The following GRHL2 variants were observed in gnomAD, a reference collection of about 807,000 sequenced individuals.
The protein encoded by GRHL2 is grainyhead-like protein 2 homolog.
In GRHL2, 21 loss-of-function variants were observed where a neutral mutation model predicts 83.8. That is an observed-to-expected ratio of 0.25 (90% CI 0.18 to 0.36). GRHL2 has a LOEUF of 0.36. GRHL2 is among the 10% of genes least tolerant of loss of function. GRHL2 has a pLI of 1.00. For missense variants in GRHL2, 623 were observed against 781.8 expected (o/e 0.80, Z 2.42); for synonymous variants, 280 against 278.9 (o/e 1.00, Z -0.04).
intron 1 of GRHL2, among the ~76,000 whole-genome samples, chr8:101,522,479 C>A (rs1172515923): frequency 6.6e-6 from 1 of 152,102 alleles, no homozygotes; most frequent in Admixed American, 6.6e-5. Context: ...GAACCAATCC[C>A]CTGTGGATAT....
At chr8:101,596,361 C>T (rs1812391319) in intron 7 of GRHL2, among the ~76,000 whole-genome samples, 1 of 152,176 alleles carries the variant, frequency 6.6e-6, no homozygotes, top group South Asian at 2.1e-4. Context: ...TTAGCAGGAA[C>T]ACTTTGACAA....
At chr8:101,544,331 T>C (rs1374888658) in intron 2 of GRHL2, among the ~76,000 whole-genome samples, 3 of 152,240 alleles carry the variant, frequency 2.0e-5, no homozygotes, top group African/African-American at 7.2e-5. Context: ...AACCCTAACT[T>C]TCTCCATTTG....
chr8:101,632,423 A>C, intron 11 of GRHL2, 58 bp downstream of exon 11: 41 of 1,599,956 alleles, frequency 2.6e-5, no homozygotes, highest in Non-Finnish European at 3.5e-5. Flanking sequence ...GTAGGGCTTT[A>C]AGATAGAAGC....
intron 2 of GRHL2, 85 bp downstream of exon 2, chr8:101,543,521 C>A: frequency 7.7e-7 from 1 of 1,291,492 alleles, no homozygotes; most frequent in Non-Finnish European, 1.1e-6. Context: ...TTGTTTGTCC[C>A]AGGCCAGGGA....
intron 9 of GRHL2, among the ~76,000 whole-genome samples, chr8:101,625,206 T>G (rs1409960902): frequency 6.6e-6 from 1 of 151,934 alleles, no homozygotes; most frequent in African/African-American, 2.4e-5. Context: ...AAGTTAGAGA[T>G]GAAGAGAAAG....
intron 1 of GRHL2, among the ~76,000 whole-genome samples, chr8:101,510,694 C>G (rs1394751400): frequency 6.6e-6 from 1 of 152,176 alleles, no homozygotes; most frequent in African/African-American, 2.4e-5. Context: ...ATATTTCTCT[C>G]CTACCACTTT....
At chr8:101,653,015 G>T (rs1229690632) in intron 14 of GRHL2, among the ~76,000 whole-genome samples, 1 of 152,134 alleles carries the variant, frequency 6.6e-6, no homozygotes, top group Non-Finnish European at 1.5e-5. Flanking sequence ...TTCGGAGGAG[G>T]CACAGCATGG....
At chr8:101,593,336 C>A (rs1812325780) in intron 7 of GRHL2, among the ~76,000 whole-genome samples, 1 of 152,174 alleles carries the variant, frequency 6.6e-6, no homozygotes, top group Non-Finnish European at 1.5e-5. Flanking sequence ...CCTATTTGTT[C>A]ACTCATCCTC....
intron 7 of GRHL2, among the ~76,000 whole-genome samples, chr8:101,581,880 A>T (rs2130255571): frequency 6.6e-6 from 1 of 152,288 alleles, no homozygotes; most frequent in South Asian, 2.1e-4. Flanking sequence ...GAGGTCAAAA[A>T]GGTAGGAAGG....
rs1056771213 is a variant in GRHL2, at chr8:101,664,358, G to A, written c.1699-96G>A. The stretch of plus-strand genomic sequence containing the variant: ...ATGAGTGAAGAGCACTCTATCCCTG[G>A]GAAAATGTCCAAGGGAGTGAAACTG... On this transcript the variant is annotated intron_variant, in intron 14 of 15. Coordinates refer to ENST00000646743, the MANE Select transcript of GRHL2 (RefSeq NM_024915.4). 17 of 858,462 alleles carry A rather than the reference G, an allele frequency of 2.0e-5. No homozygotes were observed. In the East Asian group the frequency reaches 3.7e-4, roughly 19 times the overall value. The allele number at this position is 858,462 out of a possible 1,614,324, so 53.2% of individuals were successfully genotyped here.
downstream of GRHL2, among the ~76,000 whole-genome samples, chr8:101,673,822 G>A (rs886147121): frequency 3.3e-5 from 5 of 151,978 alleles, no homozygotes; most frequent in Non-Finnish European, 7.4e-5. Flanking sequence ...GCACTCTTCA[G>A]CAAATGTAAA....
intron 3 of GRHL2, 43 bp downstream of exon 3, chr8:101,552,825 T>TA (rs762571526): frequency 4.5e-6 from 7 of 1,557,464 alleles, no homozygotes; most frequent in South Asian, 1.1e-5. Context: ...CTATGTTTTC[T>TA]AAAAAACAAT....
chr8:101,640,940 T>C (rs943853253), intron 12 of GRHL2, among the ~76,000 whole-genome samples: 2 of 152,182 alleles, frequency 1.3e-5, no homozygotes, highest in African/African-American at 2.4e-5. Flanking sequence ...ATCTCTTCAA[T>C]GGTTTTTCAA....
chr8:101,492,650 G>A lies in GRHL2; in HGVS notation c.-120G>A. The A allele has an allele frequency of 2.4e-6, 2 of 831,432 alleles. 1 individual carries two copies. The highest frequency in any genetic ancestry group is 2.7e-5 in the South Asian group (2 of 74,476). 51.5% of individuals were successfully genotyped at this position (831,432 alleles called of 1,614,324 possible). Reference sequence around the variant, plus strand: ...GGGGGACGGAAAAGCAGAATTACCTGTAGCTCTTGTTCTGCCATCTCGGGC... The same window carrying A: ...GGGGGACGGAAAAGCAGAATTACCTATAGCTCTTGTTCTGCCATCTCGGGC... On this transcript the variant is annotated 5_prime_UTR_variant, in exon 1 of 16. Transcript: ENST00000646743.
chr8:101,553,299 C>T (rs954985253), intron 3 of GRHL2, among the ~76,000 whole-genome samples: 3 of 152,136 alleles, frequency 2.0e-5, no homozygotes, highest in African/African-American at 7.2e-5. Context: ...CCTTGTCTGC[C>T]CTCCTCAATC....
chr8:101,681,175 G>A, the GRHL2 span, among the ~76,000 whole-genome samples: 351 of 143,224 alleles, frequency 2.5e-3, no homozygotes, highest in African/African-American at 8.5e-3. Flanking sequence ...TTGATAGACC[G>A]CTAGCAAGAC....
intron 1 of GRHL2, among the ~76,000 whole-genome samples, chr8:101,519,559 T>C (rs907328369): frequency 8.7e-5 from 8 of 91,518 alleles, no homozygotes; most frequent in Non-Finnish European, 1.5e-4. Flanking sequence ...CATGACCAGC[T>C]TTTTTTTTTT....
intron 9 of GRHL2, among the ~76,000 whole-genome samples, chr8:101,629,688 G>C (rs960687186): frequency 4.6e-5 from 7 of 151,954 alleles, no homozygotes; most frequent in African/African-American, 1.7e-4. Flanking sequence ...ATATTGTACA[G>C]AGTCCCTAGC....
intron 1 of GRHL2, among the ~76,000 whole-genome samples, chr8:101,523,716 C>G (rs184826421): frequency 6.6e-6 from 1 of 151,850 alleles, no homozygotes; most frequent in African/African-American, 2.4e-5. Flanking sequence ...TGGGCTCAAA[C>G]GATCCTCCCA....
Sources: allele counts gnomAD v4.1 joint callset (sites outside exome capture counted in the v4.1 genomes callset), GRCh38; gene constraint gnomAD v4.1.1; transcripts MANE v1.5; gene names NCBI Gene and HGNC (gene_info 2026-07-23, HGNC 2026-07-21).